The following MINDY1 variants were observed in gnomAD, a reference collection of about 807,000 sequenced individuals.
MINDY1 encodes the protein MINDY lysine 48 deubiquitinase 1.
A neutral mutation model predicts 53.6 loss-of-function variants in MINDY1; 50 were observed. That is an observed-to-expected ratio of 0.93 (90% CI 0.74 to 1.18). The LOEUF (loss-of-function observed/expected upper bound fraction) is 1.18, where lower values mean the gene tolerates loss of function less well. MINDY1 is among the 50% of genes most tolerant of loss of function. MINDY1 has a pLI of 0.00. For missense variants in MINDY1, 484 were observed against 578.6 expected, an observed-to-expected ratio of 0.84 and a Z score of 1.68; for synonymous variants, 231 against 234.7, an observed-to-expected ratio of 0.98 and a Z score of 0.14.
chr1:151,001,156 A>C, intron 4 of MINDY1, 94 bp downstream of exon 4: 1 of 1,281,010 alleles, frequency 7.8e-7, no homozygotes, highest in Non-Finnish European at 1.1e-6. Flanking sequence ...GGTTCAAGGA[A>C]ACCTCTGAAG....
At position 150,999,578 on chromosome 1, in the gene MINDY1, C is replaced by G; in HGVS notation, c.839-67G>C. On this transcript the variant is annotated intron_variant, in intron 6 of 9. Coordinates refer to ENST00000683666, the MANE Select transcript of MINDY1 (RefSeq NM_001376665.1). This position sits in a 1 kb window ranked among gnomAD's most constrained non-coding sequence, Gnocchi z 4.4. ...CAAGGTCCACAACAGGAAGGACCAT[C>G]CAGAGAGCCCCTGTCAAAAGCCCCG... 6.3e-7 allele frequency: 1 copy of G among 1,588,592 alleles called. No homozygotes were observed. Among genetic ancestry groups the G allele is most frequent in the Non-Finnish European group, 8.6e-7 (1 of 1,168,240 alleles).
upstream of MINDY1, among the ~76,000 whole-genome samples, chr1:151,007,393 A>C (rs750108672): frequency 5.4e-4 from 82 of 152,256 alleles, no homozygotes; most frequent in Admixed American, 9.8e-4. Flanking sequence ...AGTCCCAGCT[A>C]CTCGGGAGGC....
Position 150,999,510 on chromosome 1 carries a change from G to A in MINDY1, c.840C>T (p.Gly280=). Residue 280 remains glycine (G), a splice_region_variant and synonymous_variant, in exon 7 of 10, where the codon GGC becomes GGT. Coordinates refer to ENST00000683666, the MANE Select transcript of MINDY1 (RefSeq NM_001376665.1). This position sits in a 1 kb window ranked among gnomAD's most constrained non-coding sequence, Gnocchi z 4.4. ...TCTCCAGGAACTGCTCTGCAATCAG[G>A]CCTGCCAGAAAGGGACGAGTCGGGG... ...HSSDTNLVTE[G]LIAEQFLETT... is the part of the protein sequence containing the mutation. 1 of 1,613,910 alleles carries A rather than the reference G, an allele frequency of 6.2e-7. No individual in the cohort carries two copies. The highest frequency in any genetic ancestry group is 1.1e-5 in the South Asian group (1 of 91,070).
At position 150,999,628 on chromosome 1, in the gene MINDY1, T is replaced by G; in HGVS notation, c.839-117A>C. The G allele has an allele frequency of 7.3e-7, 1 of 1,366,646 alleles. No individual in the cohort carries two copies. The highest frequency in any genetic ancestry group is 1.3e-5 in the South Asian group (1 of 75,410). 84.7% of individuals were successfully genotyped at this position (1,366,646 alleles called of 1,614,324 possible). A position where few individuals can be genotyped will look rare whatever the true frequency, so the allele number is the denominator to read the frequency against. On this transcript the variant is annotated intron_variant, in intron 6 of 9. Coordinates refer to ENST00000683666, the MANE Select transcript of MINDY1 (RefSeq NM_001376665.1). The surrounding 1 kb of genome is among the most constrained non-coding windows in gnomAD (Gnocchi z 4.4). ...GGGGGGTCAGTCCCACCTTCTGACG[T>G]CCCTTTCTTGAAACCTGGCTGTATT...
Position 150,998,287 on chromosome 1 carries a change from A to G in MINDY1, c.982-14T>C. On this transcript the variant is annotated splice_polypyrimidine_tract_variant and intron_variant, in intron 7 of 9. Coordinates refer to ENST00000683666, the MANE Select transcript of MINDY1 (RefSeq NM_001376665.1). ...GTATAAGTGACTCTACAAAGAAAAG[A>G]ACAGAGCTCATTGGGGGGACAGTTG... is the stretch of plus-strand genomic sequence containing the variant. 1 of 1,601,694 alleles carries G rather than the reference A, an allele frequency of 6.2e-7. No homozygotes were observed. The highest frequency in any genetic ancestry group is 8.5e-7 in the Non-Finnish European group (1 of 1,173,532).
At position 150,999,495 on chromosome 1, in the gene MINDY1, C is replaced by T; in HGVS notation, c.855G>A (p.Gln285=). ...NLVTEGLIAE[Q]FLETTAAQLT... is the part of the protein sequence containing the mutation. The stretch of plus-strand genomic sequence containing the variant: ...GCTGGGCCGCGGTGGTCTCCAGGAA[C>T]TGCTCTGCAATCAGGCCTGCCAGAA... The change falls in exon 7 of 10, where the codon CAG becomes CAA. Residue 285 remains glutamine, a synonymous_variant. Transcript: ENST00000683666. The surrounding 1 kb of genome is among the most constrained non-coding windows in gnomAD (Gnocchi z 4.4). 6.2e-7 allele frequency: 1 copy of T among 1,613,982 alleles called. No homozygotes were observed. Among genetic ancestry groups the T allele is most frequent in the Non-Finnish European group, 8.5e-7 (1 of 1,179,986 alleles).
At chr1:150,997,393 C>G (rs1262865792) in intron 9 of MINDY1, 26 bp from the exon 10 acceptor site, 1 of 1,584,228 alleles carries the variant, frequency 6.3e-7, no homozygotes, top group Admixed American at 1.7e-5. Context: ...CAATTGGTCA[C>G]TGAACTTCCT....
chr1:151,005,971 G>C (rs1673153481), intron 1 of MINDY1: 1 of 1,230,510 alleles, frequency 8.1e-7, no homozygotes, highest in South Asian at 1.6e-5. Context: ...CTTCTCTGTA[G>C]GAACAGTTCC....
In MINDY1 at chr1:151,002,982, T is replaced by G; in HGVS notation, c.-89-276A>C. 1 of 1,223,084 alleles carries G rather than the reference T, an allele frequency of 8.2e-7. No individual in the cohort carries two copies. Among genetic ancestry groups the G allele is most frequent in the Non-Finnish European group, 1.0e-6 (1 of 975,264 alleles). The allele number at this position is 1,223,084 out of a possible 1,614,324, so 75.8% of individuals were successfully genotyped here. A position where few individuals can be genotyped will look rare whatever the true frequency, so the allele number is the denominator to read the frequency against. ...GAGTCAGCTTCCCTGAAACAGATCA[T>G]GACAGGGAAGGGAGGAAAGACAGAG... is the stretch of plus-strand genomic sequence containing the variant. On this transcript the variant is annotated intron_variant, in intron 1 of 9. Coordinates refer to ENST00000683666, the MANE Select transcript of MINDY1 (RefSeq NM_001376665.1). This position sits in a 1 kb window ranked among gnomAD's most constrained non-coding sequence, Gnocchi z 4.1.
chr1:151,006,503 C>A lies in MINDY1; in HGVS notation c.-281G>T. ...TGGGTTGTGGCCACTTCCGGACTCACGCCCAGTACTGGGGGCACTGGAGGA... is the reference window on the plus strand; with the variant it reads ...TGGGTTGTGGCCACTTCCGGACTCAAGCCCAGTACTGGGGGCACTGGAGGA... On this transcript the variant is annotated 5_prime_UTR_variant, in exon 1 of 10. Transcript: ENST00000683666. The A allele has an allele frequency of 9.6e-7, 1 of 1,045,578 alleles. No individual in the cohort carries two copies. Among genetic ancestry groups the A allele is most frequent in the Non-Finnish European group, 1.2e-6 (1 of 865,952 alleles). The allele number at this position is 1,045,578 out of a possible 1,614,324, so 64.8% of individuals were successfully genotyped here. A position where few individuals can be genotyped will look rare whatever the true frequency, so the allele number is the denominator to read the frequency against.
upstream of MINDY1, chr1:151,008,263 ACGACT>A: frequency 8.3e-7 from 1 of 1,203,770 alleles, no homozygotes; most frequent in Non-Finnish European, 1.0e-6. Flanking sequence ...TGTTTACCGA[ACGACT>A]GATCCCTCAG....
upstream of MINDY1, among the ~76,000 whole-genome samples, chr1:151,007,817 C>T (rs931640811): frequency 6.6e-6 from 1 of 152,062 alleles, no homozygotes; most frequent in African/African-American, 2.4e-5. Flanking sequence ...TGTACAGGGC[C>T]GCCACAGGAT....
intron 7 of MINDY1, among the ~76,000 whole-genome samples, chr1:150,998,693 T>C (rs1202013434): frequency 6.6e-6 from 1 of 152,136 alleles, no homozygotes; most frequent in Non-Finnish European, 1.5e-5. Context: ...TGTGTGGCCT[T>C]GGGGGGAAGA....
intron 1 of MINDY1, chr1:151,006,108 G>C (rs1306658389): frequency 6.4e-7 from 1 of 1,551,662 alleles, no homozygotes; most frequent in Non-Finnish European, 8.7e-7. Context: ...CACAAGGAGA[G>C]GGGGAAGGTT....
In MINDY1 at chr1:150,997,261, C is replaced by G. The variant is rs1312474127; in HGVS notation, c.*26G>C. The G allele has an allele frequency of 6.4e-7, 1 of 1,566,892 alleles. No individual in the cohort carries two copies. Among genetic ancestry groups the G allele is most frequent in the South Asian group, 1.2e-5 (1 of 85,836 alleles). ...TAGCCATAGCCTCTGGAAGAAGGGG[C>G]AGGCCAGCCTGGCACTGGGGCAGAG... is the stretch of plus-strand genomic sequence containing the variant. On this transcript the variant is annotated 3_prime_UTR_variant, in exon 10 of 10. Transcript: ENST00000683666.
Position 150,998,076 on chromosome 1 carries a change from A to G in MINDY1, c.1173+6T>C, listed in dbSNP as rs753904312. ...TCTCTGCACTTTTCCTAAGTGCCCT[A>G]CACACCTGGTCTACCTGCAGCTGCG... On this transcript the variant is annotated splice_donor_region_variant and intron_variant, in intron 8 of 9. Coordinates refer to ENST00000683666, the MANE Select transcript of MINDY1 (RefSeq NM_001376665.1). 2 of 1,606,950 alleles carry G rather than the reference A, an allele frequency of 1.2e-6. No homozygotes were observed. Among genetic ancestry groups the G allele is most frequent in the East Asian group, 2.2e-5 (1 of 44,874 alleles).
In MINDY1 at chr1:150,999,347, G is replaced by A. The variant is rs749861533; in HGVS notation, c.981+22C>T. 4.8e-5 allele frequency: 78 copies of A among 1,612,898 alleles called. No homozygotes were observed. The highest frequency in any genetic ancestry group is 2.4e-4 in the African/African-American group (18 of 74,860). On this transcript the variant is annotated intron_variant, in intron 7 of 9. Coordinates refer to ENST00000683666, the MANE Select transcript of MINDY1 (RefSeq NM_001376665.1). The surrounding 1 kb of genome is among the most constrained non-coding windows in gnomAD (Gnocchi z 4.4). The stretch of plus-strand genomic sequence containing the variant: ...CCAGGAAATGACAGCACCGCAGCAC[G>A]CCACCCCCAAACTCGCATTACCTTA...
chr1:151,001,301 C>G lies in MINDY1; in HGVS notation c.525G>C (p.Leu175=). ...CTGACTTCTCCTGGGGCTTGATGGA[C>G]AGGAGGCAGTTTCCTACAAGACAGG... ...ELMAHLGNCL[L]SIKPQEKSEG... is the part of the protein sequence containing the mutation. Residue 175 remains leucine, a synonymous_variant, in exon 4 of 10, where the codon CTG becomes CTC. Coordinates refer to ENST00000683666, the MANE Select transcript of MINDY1 (RefSeq NM_001376665.1). 1 of 1,614,176 alleles carries G rather than the reference C, an allele frequency of 6.2e-7. No individual in the cohort carries two copies. Among genetic ancestry groups the G allele is most frequent in the Non-Finnish European group, 8.5e-7 (1 of 1,180,024 alleles).
chr1:151,006,046 A>G, intron 1 of MINDY1: 1 of 1,547,472 alleles, frequency 6.5e-7, no homozygotes, highest in Non-Finnish European at 8.7e-7. Flanking sequence ...AATAGTTTAG[A>G]TTTTCATCTC....
Sources: allele counts gnomAD v4.1 joint callset (sites outside exome capture counted in the v4.1 genomes callset), GRCh38; gene constraint gnomAD v4.1.1; non-coding constraint Gnocchi (gnomAD v3.1); transcripts MANE v1.5; gene names NCBI Gene and HGNC (gene_info 2026-07-23, HGNC 2026-07-21).